Variants in ALK observed in about 807,000 individuals in gnomAD.
ALK encodes ALK tyrosine kinase receptor.
In ALK, 74 loss-of-function variants were observed where a neutral mutation model predicts 163.1. The ratio of observed to expected loss-of-function variants is 0.45; its 90% CI spans 0.38 to 0.55. ALK has a LOEUF of 0.55. ALK is among the 20% of genes least tolerant of loss of function. ALK has a pLI of 0.00. For missense variants in ALK, 2,063 were observed against 2,105.3 expected (o/e 0.98, Z 0.39); for synonymous variants, 960 against 843.2 (o/e 1.14, Z -2.40).
At chr2:29,898,494 C>A (rs889224187) in intron 1 of ALK, among the ~76,000 whole-genome samples, 3 of 152,154 alleles carry the variant, frequency 2.0e-5, no homozygotes, top group Non-Finnish European at 4.4e-5. Flanking sequence ...TGTAATGGTG[C>A]CTTTTAAGGA....
At chr2:29,371,427 T>C (rs375500333) in intron 5 of ALK, among the ~76,000 whole-genome samples, 1 of 152,172 alleles carries the variant, frequency 6.6e-6, no homozygotes, top group South Asian at 2.1e-4. Flanking sequence ...TTCCCACAGA[T>C]CCTGGTGTGA....
chr2:29,798,821 G>A (rs1176313265), intron 1 of ALK, among the ~76,000 whole-genome samples: 1 of 152,144 alleles, frequency 6.6e-6, no homozygotes, highest in Non-Finnish European at 1.5e-5. Flanking sequence ...TGACCGTTCT[G>A]GAGAATTTTC....
chr2:29,750,129 A>G (rs1680315561), intron 1 of ALK, among the ~76,000 whole-genome samples: 1 of 152,238 alleles, frequency 6.6e-6, no homozygotes, highest in African/African-American at 2.4e-5. Flanking sequence ...ATAGTAATGC[A>G]TTGCTTAACG....
intron 1 of ALK, among the ~76,000 whole-genome samples, chr2:29,904,490 G>A (rs767784224): frequency 6.6e-5 from 10 of 151,886 alleles, no homozygotes; most frequent in Non-Finnish European, 1.3e-4. Context: ...AAATAATGAG[G>A]GGAAACCCCT....
chr2:29,530,472 A>G (rs1023420008), intron 4 of ALK, among the ~76,000 whole-genome samples: 21 of 152,130 alleles, frequency 1.4e-4, no homozygotes, highest in African/African-American at 4.6e-4. Context: ...CAGCACCACA[A>G]TGGACTGATG....
chr2:29,878,909 A>G (rs1666789401), intron 1 of ALK, among the ~76,000 whole-genome samples: 1 of 152,218 alleles, frequency 6.6e-6, no homozygotes, highest in African/African-American at 2.4e-5. Flanking sequence ...TAGATGGAGT[A>G]GGGAGAGAAT....
In ALK at chr2:29,487,755, A is replaced by G. The variant is rs1671811107; in HGVS notation, c.1154+44160T>C. On this transcript the variant is annotated intron_variant, in intron 4 of 28. Coordinates refer to ENST00000389048, the MANE Select transcript of ALK (RefSeq NM_004304.5). ...CTTACTAAGTATTAAACATTACTTC[A>G]TTTAATTTACCACCCATTTACTGAG... Among the ~76,000 whole-genome samples, 2 of 152,168 alleles carry G rather than the reference A, an allele frequency of 1.3e-5. 1 individual carries two copies. The highest frequency in any genetic ancestry group is 4.1e-4 in the South Asian group (2 of 4,820).
intron 4 of ALK, among the ~76,000 whole-genome samples, chr2:29,434,917 T>A (rs906621531): frequency 6.6e-6 from 1 of 152,172 alleles, no homozygotes; most frequent in Non-Finnish European, 1.5e-5. Context: ...ATAATAGAAA[T>A]CTTCTAGCTC....
intron 8 of ALK, among the ~76,000 whole-genome samples, chr2:29,311,122 G>A (rs1420851147): frequency 6.6e-6 from 1 of 152,246 alleles, no homozygotes; most frequent in Non-Finnish European, 1.5e-5. Flanking sequence ...AGCAGTGTTA[G>A]CAGCTGCCAG....
At chr2:29,562,755 A>G (rs1330193260) in intron 3 of ALK, among the ~76,000 whole-genome samples, 3 of 152,244 alleles carry the variant, frequency 2.0e-5, no homozygotes, top group East Asian at 3.8e-4. Context: ...TCTACAGAGA[A>G]GGAATTCTCA....
At chr2:29,303,355 T>C (rs1238999780) in intron 8 of ALK, among the ~76,000 whole-genome samples, 1 of 151,712 alleles carries the variant, frequency 6.6e-6, no homozygotes, top group Non-Finnish European at 1.5e-5. Context: ...CCAGTCAGAA[T>C]GGCTATTATT....
At chr2:29,710,492 C>CTGTATGCG (rs1368079922) in intron 2 of ALK, among the ~76,000 whole-genome samples, 16 of 102,218 alleles carry the variant, frequency 1.6e-4, no homozygotes, top group African/African-American at 6.3e-4. Context: ...CAACCTCAGT[C>CTGTATGCG]TGTGTGCGTG....
chr2:29,229,131 G>C, intron 15 of ALK, 65 bp from the exon 16 acceptor site: 1 of 1,519,864 alleles, frequency 6.6e-7, no homozygotes, highest in Non-Finnish European at 9.1e-7. Context: ...ATGCTGGCCA[G>C]AGAAGCAGGA....
intron 4 of ALK, among the ~76,000 whole-genome samples, chr2:29,430,060 A>G (rs2148073451): frequency 6.6e-6 from 1 of 152,328 alleles, no homozygotes; most frequent in South Asian, 2.1e-4. Context: ...TAAAGTTGTC[A>G]AAGACTTCAA....
intron 5 of ALK, among the ~76,000 whole-genome samples, chr2:29,366,658 G>C (rs1048378922): frequency 6.6e-6 from 1 of 152,166 alleles, no homozygotes; most frequent in Non-Finnish European, 1.5e-5. Context: ...AGTGGAGAAG[G>C]GAGTAGATGG....
intron 15 of ALK, among the ~76,000 whole-genome samples, chr2:29,231,942 T>C (rs1306755409): frequency 6.6e-6 from 1 of 152,148 alleles, no homozygotes; most frequent in African/African-American, 2.4e-5. Context: ...AGGCCTGACA[T>C]TGCCCAGATT....
chr2:29,763,459 T>C (rs1320653092), intron 1 of ALK, among the ~76,000 whole-genome samples: 1 of 152,186 alleles, frequency 6.6e-6, no homozygotes, highest in Non-Finnish European at 1.5e-5. Context: ...AATAAGGATT[T>C]TCTCAGTCCA....
intron 3 of ALK, among the ~76,000 whole-genome samples, chr2:29,647,850 A>G (rs1197372131): frequency 1.4e-5 from 2 of 146,594 alleles, no homozygotes; most frequent in Non-Finnish European, 3.0e-5. Context: ...AAACCAACTC[A>G]TATTTATAAA....
rs570076118 is a variant in ALK at position 29,866,752 on chromosome 2, T to A, written c.667+53241A>T. Among the ~76,000 whole-genome samples the A allele has an allele frequency of 5.9e-4, 90 of 152,022 alleles. 3 individuals carry two copies. In the South Asian group the frequency reaches 0.019, roughly 31 times the overall value. ...TGAGAGATACTGAAACAGAGAAGAG[T>A]CTGAAAGAAAATTCTTAAAGGCCTA... On this transcript the variant is annotated intron_variant, in intron 1 of 28. Coordinates refer to ENST00000389048, the MANE Select transcript of ALK (RefSeq NM_004304.5).
Sources: gnomAD v4.1 joint callset for allele counts (sites outside exome capture counted in the v4.1 genomes callset) on GRCh38, gnomAD v4.1.1 for gene constraint, MANE v1.5 for transcripts, NCBI Gene and HGNC (gene_info 2026-07-23, HGNC 2026-07-21) for gene names.